Variants in PBX1 observed in about 807,000 individuals in gnomAD.
PBX1 encodes pre-B-cell leukemia transcription factor 1.
Under a neutral mutation model 53.4 loss-of-function variants are expected in PBX1, and 6 were observed. That is an observed-to-expected ratio of 0.11 (90% CI 0.06 to 0.22). The LOEUF is 0.22. PBX1 is among the 10% of genes least tolerant of loss of function. The pLI is 1.00. For missense variants in PBX1, 251 were observed against 551.4 expected (o/e 0.46, Z 5.46); for synonymous variants, 204 against 212.3 (o/e 0.96, Z 0.34).
intron 2 of PBX1, among the ~76,000 whole-genome samples, chr1:164,584,670 A>T (rs1025938506): frequency 5.9e-5 from 9 of 152,128 alleles, no homozygotes; most frequent in African/African-American, 2.2e-4. Context: ...GGGGTGAGGT[A>T]GAATGGGAGG....
intron 3 of PBX1, among the ~76,000 whole-genome samples, chr1:164,798,376 G>C (rs148057911): frequency 1.3e-5 from 2 of 152,180 alleles, no homozygotes; most frequent in Non-Finnish European, 2.9e-5. Context: ...CTTTTTTGTT[G>C]TGAATCTAAT....
chr1:164,864,762 A>T (rs1014081012), intron 2 of PBX1, among the ~76,000 whole-genome samples: 1 of 152,186 alleles, frequency 6.6e-6, no homozygotes, highest in African/African-American at 2.4e-5. Context: ...TGCCTAAGAA[A>T]TGTATGCTCA....
chr1:164,856,014 A>T (rs1185221264), downstream of PBX1, among the ~76,000 whole-genome samples: 1 of 152,184 alleles, frequency 6.6e-6, no homozygotes, highest in East Asian at 1.9e-4. Flanking sequence ...TGCATTCCTA[A>T]TCCTAGATAT....
chr1:164,670,474 T>C (rs1661052823), intron 2 of PBX1, among the ~76,000 whole-genome samples: 1 of 152,196 alleles, frequency 6.6e-6, no homozygotes, highest in Non-Finnish European at 1.5e-5. Context: ...GACTCCTGTA[T>C]TTATGGATTT....
chr1:164,679,822 G>C (rs1227229458), intron 2 of PBX1, among the ~76,000 whole-genome samples: 1 of 152,074 alleles, frequency 6.6e-6, no homozygotes, highest in African/African-American at 2.4e-5. Flanking sequence ...TGTGAAATAG[G>C]TACTTAGGAC....
chr1:164,667,857 G>A (rs1049624560), intron 2 of PBX1, among the ~76,000 whole-genome samples: 1 of 152,178 alleles, frequency 6.6e-6, no homozygotes, highest in African/African-American at 2.4e-5. Context: ...CGAGGTAGAT[G>A]CAGTTCACAC....
intron 2 of PBX1, among the ~76,000 whole-genome samples, chr1:164,609,299 C>T (rs1369407629): frequency 2.0e-5 from 3 of 152,168 alleles, no homozygotes; most frequent in South Asian, 2.1e-4. Context: ...CAAAATTGAG[C>T]GTGCTGGTTG....
At chr1:164,613,366 C>T (rs1657061559) in intron 2 of PBX1, among the ~76,000 whole-genome samples, 1 of 152,192 alleles carries the variant, frequency 6.6e-6, no homozygotes, top group Non-Finnish European at 1.5e-5. Flanking sequence ...CTGAGCAGGT[C>T]ACACCCCTTG....
intron 2 of PBX1, among the ~76,000 whole-genome samples, chr1:164,756,481 T>C (rs1027889444): frequency 1.3e-5 from 2 of 152,216 alleles, no homozygotes; most frequent in African/African-American, 4.8e-5. Flanking sequence ...ATCATATTTA[T>C]AATTACTTTT....
chr1:164,616,378 T>G (rs891456742), intron 2 of PBX1, among the ~76,000 whole-genome samples: 1 of 152,196 alleles, frequency 6.6e-6, no homozygotes, highest in Non-Finnish European at 1.5e-5. Context: ...AAGCTCCGTT[T>G]ACTGATCTAT....
intron 2 of PBX1, among the ~76,000 whole-genome samples, chr1:164,766,035 A>G (rs1377940776): frequency 6.6e-6 from 1 of 152,220 alleles, no homozygotes; most frequent in Non-Finnish European, 1.5e-5. Context: ...TTGGATGGGT[A>G]ACTCTCATTT....
intron 2 of PBX1, among the ~76,000 whole-genome samples, chr1:164,861,410 G>C (rs1260127552): frequency 6.6e-6 from 1 of 152,194 alleles, no homozygotes; most frequent in African/African-American, 2.4e-5. Flanking sequence ...TAACAAACCT[G>C]AATATTCCTG....
At chr1:164,658,990 C>G (rs1213607812) in intron 2 of PBX1, among the ~76,000 whole-genome samples, 1 of 152,136 alleles carries the variant, frequency 6.6e-6, no homozygotes. Flanking sequence ...TTGTCCATTC[C>G]CATTGTCTCA....
intron 8 of PBX1, among the ~76,000 whole-genome samples, chr1:164,830,944 G>T (rs1014326841): frequency 7.9e-5 from 12 of 152,176 alleles, no homozygotes; most frequent in African/African-American, 2.9e-4. Flanking sequence ...GAGAAGCTCT[G>T]CTCTAGTGTG....
At chr1:164,808,165 G>A (rs1011132630) in intron 5 of PBX1, among the ~76,000 whole-genome samples, 13 of 152,192 alleles carry the variant, frequency 8.5e-5, no homozygotes, top group Non-Finnish European at 1.6e-4. Flanking sequence ...TGATGGGAGT[G>A]TAGGAATTTT....
chr1:164,877,944 G>C (rs1316259736), intron 2 of PBX1, among the ~76,000 whole-genome samples: 1 of 152,050 alleles, frequency 6.6e-6, no homozygotes, highest in Non-Finnish European at 1.5e-5. Context: ...ACTAAAGTTA[G>C]CTTGCATTTT....
chr1:164,830,807 T>C (rs779095130), intron 8 of PBX1, among the ~76,000 whole-genome samples: 1 of 152,164 alleles, frequency 6.6e-6, no homozygotes, highest in Non-Finnish European at 1.5e-5. Flanking sequence ...CCAAGTGTAG[T>C]CTGCAGATCA....
chr1:164,823,004 G>A (rs1670236037), intron 8 of PBX1, among the ~76,000 whole-genome samples: 1 of 152,100 alleles, frequency 6.6e-6, no homozygotes, highest in Admixed American at 6.6e-5. Context: ...GACTTTTAAG[G>A]CCACTTACAT....
chr1:164,708,245 G>A (rs1371676357), intron 2 of PBX1, among the ~76,000 whole-genome samples: 2 of 152,174 alleles, frequency 1.3e-5, no homozygotes, highest in African/African-American at 4.8e-5. Context: ...GGTAAGAGAG[G>A]TTGACTACTG....
Sources: allele counts gnomAD v4.1 joint callset (sites outside exome capture counted in the v4.1 genomes callset), GRCh38; gene constraint gnomAD v4.1.1; transcripts MANE v1.5; gene names NCBI Gene and HGNC (gene_info 2026-07-23, HGNC 2026-07-21).